LPAR1: variants seen among roughly 807,000 people sequenced by gnomAD.
LPAR1 encodes LPA receptor 1.
In LPAR1, 5 loss-of-function variants were observed where a neutral mutation model predicts 23.8. The ratio of observed to expected loss-of-function variants is 0.21; its 90% CI spans 0.11 to 0.44. LPAR1 has a LOEUF of 0.44. Ranked by LOEUF, LPAR1 falls within the 20% of genes least tolerant of loss-of-function variation. LPAR1 has a pLI of 0.99. For synonymous variants in LPAR1, 160 were observed against 164.7 expected (o/e 0.97, Z 0.22); for missense variants, 311 against 482.8 (o/e 0.64, Z 3.33).
At chr9:110,880,622 C>T (rs924669173) in intron 5 of LPAR1, among the ~76,000 whole-genome samples, 7 of 152,172 alleles carry the variant, frequency 4.6e-5, no homozygotes. Flanking sequence ...TCCCATAGAT[C>T]CAAAACAAGT....
chr9:110,875,603 C>A lies in LPAR1; in HGVS notation c.913G>T (p.Ala305Ser). The A allele has an allele frequency of 1.2e-6, 2 of 1,613,994 alleles. No homozygotes were observed. The highest frequency in any genetic ancestry group is 1.6e-4 in the Middle Eastern group (1 of 6,062). ...TAGGAGTAAATGATGGGGTTCATGG[C>A]AGAGTTGAATTCAGCAAGGAGAAGG... ...FFLLLAEFNS[A>S]MNPIIYSYRD... The change falls in exon 6 of 6, where the codon GCC (alanine) becomes TCC (serine). Residue 305 changes from alanine (A) to serine (S), a missense_variant. Around this residue, in one of 2 missense-constraint regions of LPAR1, gnomAD observed 250 missense variants for 427.2 expected, o/e 0.59. Transcript: ENST00000683809.
chr9:110,972,614 T>C lies in LPAR1; in HGVS notation c.-103-394A>G, dbSNP rs150861351. On this transcript the variant is annotated intron_variant, in intron 3 of 5. Transcript: ENST00000683809. The stretch of plus-strand genomic sequence containing the variant: ...AGAATGCAGTAACCACCCCCACTTA[T>C]CTGAGGAGTGGATTCTAAGCCCCCC... Among the ~76,000 whole-genome samples the C allele has an allele frequency of 5.9e-5, 9 of 152,240 alleles. No individual in the cohort carries two copies. In the East Asian group the frequency reaches 1.4e-3, roughly 23 times the overall value.
intron 2 of LPAR1, among the ~76,000 whole-genome samples, chr9:111,006,921 T>C (rs1403523172): frequency 3.3e-5 from 5 of 152,048 alleles, no homozygotes; most frequent in Admixed American, 2.6e-4. Context: ...TGGGAGGTGT[T>C]TGGATCATGG....
At chr9:110,885,210 T>A (rs563728960) in intron 5 of LPAR1, among the ~76,000 whole-genome samples, 1 of 152,232 alleles carries the variant, frequency 6.6e-6, no homozygotes. Flanking sequence ...TCCTATACTA[T>A]CACTGTTTCC....
chr9:111,015,900 C>T (rs1222594587), intron 2 of LPAR1, among the ~76,000 whole-genome samples: 2 of 151,598 alleles, frequency 1.3e-5, no homozygotes, highest in Admixed American at 6.6e-5. Context: ...CCATGGTTCC[C>T]CATTGCCCCA....
intron 4 of LPAR1, among the ~76,000 whole-genome samples, chr9:110,959,170 C>CAAAAAAAAAAA (rs1186318362): frequency 1.5e-4 from 12 of 81,106 alleles, no homozygotes; most frequent in Admixed American, 4.6e-4. Context: ...GATGTCTCTA[C>CAAAAAAAAAAA]AAAAAAAAAA....
chr9:110,982,740 A>G (rs918640624), intron 2 of LPAR1, among the ~76,000 whole-genome samples: 1 of 151,942 alleles, frequency 6.6e-6, no homozygotes, highest in Non-Finnish European at 1.5e-5. Flanking sequence ...GAAGTTACTT[A>G]GCAATAAAAG....
intron 2 of LPAR1, among the ~76,000 whole-genome samples, chr9:111,002,172 CACTT>C (rs1293165324): frequency 2.0e-5 from 3 of 152,150 alleles, no homozygotes; most frequent in Admixed American, 6.6e-5. Flanking sequence ...CTTTATATAA[CACTT>C]ACATGTTTCA....
chr9:110,999,592 C>G (rs1298790397), intron 2 of LPAR1: 8 of 362,926 alleles, frequency 2.2e-5, no homozygotes, highest in African/African-American at 1.5e-4. Flanking sequence ...AGTCGAAGAC[C>G]AGGGTGACAA....
At position 110,983,573 on chromosome 9, in the gene LPAR1, T is replaced by G. The variant is rs184603740; in HGVS notation, c.-181-10015A>C. Among the ~76,000 whole-genome samples the G allele has an allele frequency of 6.0e-4, 92 of 152,094 alleles. No homozygotes were observed. In the East Asian group the frequency reaches 0.017, roughly 27 times the overall value. On this transcript the variant is annotated intron_variant, in intron 2 of 5. Coordinates refer to ENST00000683809, the MANE Select transcript of LPAR1 (RefSeq NM_001351411.2). ...AGACGAAAAGAGTTCTGGAGATTGG[T>G]TGCACAACAGTCTGAATATACTTAA...
At chr9:110,904,134 C>T (rs1435072968) in intron 5 of LPAR1, among the ~76,000 whole-genome samples, 1 of 152,034 alleles carries the variant, frequency 6.6e-6, no homozygotes, top group African/African-American at 2.4e-5. Flanking sequence ...GTGTTGCTGG[C>T]AGACCTTTTA....
Position 110,887,029 on chromosome 9 carries a change from T to A in LPAR1, c.794-11307A>T, listed in dbSNP as rs570668871. On this transcript the variant is annotated intron_variant, in intron 5 of 5. Transcript: ENST00000683809. Reference sequence around the variant, plus strand: ...TTAACAGGAAGTTTATAATTGGTTTTGCAACATATTTAATTTTTTAACTAC... The same window carrying A: ...TTAACAGGAAGTTTATAATTGGTTTAGCAACATATTTAATTTTTTAACTAC... Among the ~76,000 whole-genome samples the A allele has an allele frequency of 1.1e-3, 160 of 152,168 alleles. 1 individual carries two copies. The highest frequency in any genetic ancestry group is 2.1e-3 in the Non-Finnish European group (142 of 68,004).
intron 2 of LPAR1, among the ~76,000 whole-genome samples, chr9:111,005,155 A>G (rs1352684342): frequency 6.7e-6 from 1 of 149,990 alleles, no homozygotes; most frequent in East Asian, 1.9e-4. Context: ...AAGTCTCAAA[A>G]AAAAAAAAAA....
chr9:110,942,537 C>T (rs549966264), intron 4 of LPAR1, among the ~76,000 whole-genome samples: 2 of 152,272 alleles, frequency 1.3e-5, no homozygotes, highest in African/African-American at 2.4e-5. Context: ...TCTATTTGAC[C>T]TGTTATTTAG....
intron 4 of LPAR1, among the ~76,000 whole-genome samples, chr9:110,943,834 T>G (rs1179670340): frequency 1.4e-5 from 2 of 139,326 alleles, no homozygotes; most frequent in African/African-American, 5.5e-5. Context: ...CACTCCAGCC[T>G]GAGTAACAAA....
intron 4 of LPAR1, among the ~76,000 whole-genome samples, chr9:110,947,556 C>T (rs546552656): frequency 6.6e-5 from 10 of 152,302 alleles, no homozygotes; most frequent in Admixed American, 3.9e-4. Flanking sequence ...CAAGCCTAAA[C>T]GCTAAAGAGT....
intron 2 of LPAR1, among the ~76,000 whole-genome samples, chr9:111,004,117 G>A (rs2097174468): frequency 6.6e-6 from 1 of 152,138 alleles, no homozygotes; most frequent in Admixed American, 6.5e-5. Context: ...ATAAACATTT[G>A]TGAAATGCAT....
At chr9:110,963,683 A>G (rs1286437922) in intron 4 of LPAR1, among the ~76,000 whole-genome samples, 2 of 152,190 alleles carry the variant, frequency 1.3e-5, no homozygotes, top group South Asian at 4.1e-4. Context: ...AAAAAAAAAG[A>G]ACTTCCAGAC....
At chr9:110,986,314 C>G in intron 2 of LPAR1, among the ~76,000 whole-genome samples, 1 of 152,102 alleles carries the variant, frequency 6.6e-6, no homozygotes, top group East Asian at 1.9e-4. Context: ...CAATTACAAC[C>G]TCTATAACCA....
Sources: allele counts gnomAD v4.1 joint callset (sites outside exome capture counted in the v4.1 genomes callset), GRCh38; gene constraint gnomAD v4.1.1; regional missense constraint gnomAD v4.1.1; transcripts MANE v1.5; gene names NCBI Gene and HGNC (gene_info 2026-07-23, HGNC 2026-07-21).